CNTN4: variants seen among roughly 807,000 people sequenced by gnomAD.
The protein encoded by CNTN4 is contactin 4.
CNTN4 carries 77 observed loss-of-function variants against 122.5 expected under a neutral mutation model. The ratio of observed to expected loss-of-function variants is 0.63; its 90% CI spans 0.52 to 0.76. The LOEUF is 0.76. Among genes scored for constraint, CNTN4 ranks in the 30% least tolerant of loss-of-function variants. CNTN4 has a pLI of 0.00. For missense variants in CNTN4, 1,256 were observed against 1,259.1 expected (o/e 1.00, Z 0.04); for synonymous variants, 512 against 447.0 (o/e 1.15, Z -1.83).
intron 6 of CNTN4, among the ~76,000 whole-genome samples, chr3:2,807,445 C>T (rs2092495178): frequency 6.6e-6 from 1 of 151,818 alleles, no homozygotes; most frequent in African/African-American, 2.4e-5. Context: ...AACAGCTGCT[C>T]CTCATCTGGG....
At chr3:3,013,356 T>C (rs1353509738) in intron 14 of CNTN4, among the ~76,000 whole-genome samples, 3 of 152,132 alleles carry the variant, frequency 2.0e-5, no homozygotes, top group Non-Finnish European at 4.4e-5. Flanking sequence ...TGATGACATG[T>C]TTAGCAAAAG....
chr3:2,738,060 A>G (rs1373018146), intron 5 of CNTN4, among the ~76,000 whole-genome samples: 1 of 152,260 alleles, frequency 6.6e-6, no homozygotes, highest in Non-Finnish European at 1.5e-5. Flanking sequence ...CAGAAGAAGC[A>G]TCAAGAAAGA....
chr3:3,028,897 C>T (rs1297413705), intron 15 of CNTN4, among the ~76,000 whole-genome samples: 1 of 151,998 alleles, frequency 6.6e-6, no homozygotes, highest in African/African-American at 2.4e-5. Context: ...ATACAATATT[C>T]GTGGGATGTG....
chr3:2,334,983 T>C (rs1310457468), intron 2 of CNTN4, among the ~76,000 whole-genome samples: 1 of 152,210 alleles, frequency 6.6e-6, no homozygotes, highest in Non-Finnish European at 1.5e-5. Context: ...AAAATCATCC[T>C]TTTTGACCTA....
At chr3:2,850,513 A>C (rs1385295159) in intron 7 of CNTN4, among the ~76,000 whole-genome samples, 2 of 152,218 alleles carry the variant, frequency 1.3e-5, no homozygotes, top group African/African-American at 4.8e-5. Context: ...TCTTGAAGCC[A>C]CTGAGACTTT....
At chr3:2,482,298 T>A (rs1056350042) in intron 3 of CNTN4, among the ~76,000 whole-genome samples, 1 of 152,102 alleles carries the variant, frequency 6.6e-6, no homozygotes, top group Non-Finnish European at 1.5e-5. Context: ...GCCCCTGCCC[T>A]AGAGATCTGT....
At chr3:2,895,905 C>A in intron 10 of CNTN4, among the ~76,000 whole-genome samples, 1 of 152,158 alleles carries the variant, frequency 6.6e-6, no homozygotes, top group East Asian at 1.9e-4. Flanking sequence ...TGGTGGCGGG[C>A]GCCTGTGGTC....
intron 4 of CNTN4, among the ~76,000 whole-genome samples, chr3:2,575,963 T>C (rs913139761): frequency 1.3e-5 from 2 of 151,812 alleles, no homozygotes; most frequent in East Asian, 2.0e-4. Flanking sequence ...GTCTTCCAAG[T>C]AGCTGGGACT....
At chr3:2,769,502 T>C (rs908858434) in intron 6 of CNTN4, among the ~76,000 whole-genome samples, 1 of 151,420 alleles carries the variant, frequency 6.6e-6, no homozygotes, top group African/African-American at 2.4e-5. Context: ...AAAGGCAGTG[T>C]TTAGTCAATT....
At chr3:2,908,953 T>C (rs1351337007) in intron 12 of CNTN4, among the ~76,000 whole-genome samples, 1 of 152,172 alleles carries the variant, frequency 6.6e-6, no homozygotes, top group East Asian at 1.9e-4. Flanking sequence ...TACCATCAAG[T>C]AACTGATGGC....
chr3:2,162,971 C>T (rs1049447557), intron 2 of CNTN4, among the ~76,000 whole-genome samples: 1 of 152,030 alleles, frequency 6.6e-6, no homozygotes, highest in Non-Finnish European at 1.5e-5. Context: ...GTAGTGCACA[C>T]GTGTAGTCAC....
chr3:2,286,087 G>C (rs2041889194), intron 2 of CNTN4, among the ~76,000 whole-genome samples: 2 of 150,754 alleles, frequency 1.3e-5, no homozygotes, highest in Non-Finnish European at 3.0e-5. Context: ...GCTGACTTTG[G>C]GTGGCTTTTT....
At chr3:2,115,119 TCTC>T (rs901273058) in intron 2 of CNTN4, among the ~76,000 whole-genome samples, 5 of 152,202 alleles carry the variant, frequency 3.3e-5, no homozygotes, top group African/African-American at 1.2e-4. Context: ...GCCAGGCTCT[TCTC>T]CTTGCTCCAG....
chr3:2,402,597 A>G (rs2046897216), intron 3 of CNTN4, among the ~76,000 whole-genome samples: 1 of 152,082 alleles, frequency 6.6e-6, no homozygotes. Flanking sequence ...GAAATATACA[A>G]TAAATTATTG....
At chr3:2,461,816 C>T (rs1255563387) in intron 3 of CNTN4, among the ~76,000 whole-genome samples, 1 of 152,192 alleles carries the variant, frequency 6.6e-6, no homozygotes, top group Non-Finnish European at 1.5e-5. Context: ...CCCCATTTCA[C>T]TTAGAGGCAA....
chr3:2,746,809 C>G (rs1051492940), intron 6 of CNTN4, among the ~76,000 whole-genome samples: 1 of 152,162 alleles, frequency 6.6e-6, no homozygotes, highest in Non-Finnish European at 1.5e-5. Context: ...GTGAATGTCT[C>G]TTGAGATAGT....
chr3:2,775,483 G>A (rs956292983), intron 6 of CNTN4, among the ~76,000 whole-genome samples: 9 of 151,926 alleles, frequency 5.9e-5, no homozygotes, highest in African/African-American at 2.2e-4. Flanking sequence ...GCAGTGGCAC[G>A]ATCTCGGCCC....
chr3:2,514,820 A>G (rs999256332), intron 3 of CNTN4, among the ~76,000 whole-genome samples: 4 of 152,170 alleles, frequency 2.6e-5, no homozygotes, highest in African/African-American at 9.6e-5. Context: ...GTGACATGTG[A>G]CTTAGCTGTC....
chr3:2,218,327 A>G (rs1417152374), intron 2 of CNTN4, among the ~76,000 whole-genome samples: 1 of 152,168 alleles, frequency 6.6e-6, no homozygotes, highest in African/African-American at 2.4e-5. Context: ...ATGAAATTGC[A>G]AACATGTATA....
Sources: allele counts gnomAD v4.1 joint callset (sites outside exome capture counted in the v4.1 genomes callset), GRCh38; gene constraint gnomAD v4.1.1; transcripts MANE v1.5; gene names NCBI Gene and HGNC (gene_info 2026-07-23, HGNC 2026-07-21).